JAK1: variants seen among roughly 807,000 people sequenced by gnomAD.
JAK1 encodes the protein Janus kinase 1.
A neutral mutation model predicts 136.6 loss-of-function variants in JAK1; 16 were observed. The observed-to-expected ratio is 0.12, with a 90% confidence interval of 0.08 to 0.18. The LOEUF (loss-of-function observed/expected upper bound fraction) is 0.18, where lower values mean the gene tolerates loss of function less well. Ranked by LOEUF, JAK1 falls within the 10% of genes least tolerant of loss-of-function variation. The probability of loss-of-function intolerance (pLI) is 1.00; values close to 1 mark genes in which losing one functional copy is unlikely to be tolerated. For synonymous variants in JAK1, 492 were observed against 519.5 expected, an observed-to-expected ratio of 0.95 and a Z score of 0.72; for missense variants, 859 against 1,450.1, an observed-to-expected ratio of 0.59 and a Z score of 6.62.
intron 1 of JAK1, among the ~76,000 whole-genome samples, chr1:65,067,158 GCCGCCGCCCCCGCGCT>G (rs1553186787): frequency 6.6e-6 from 1 of 150,608 alleles, no homozygotes; most frequent in Admixed American, 6.6e-5. Context: ...CCCGCCCCGC[GCCGCCGCCCCCGCGCT>G]CCGCCGCCTA....
intron 1 of JAK1, among the ~76,000 whole-genome samples, chr1:64,909,398 T>C (rs1645244193): frequency 6.6e-6 from 1 of 151,772 alleles, no homozygotes; most frequent in African/African-American, 2.4e-5. Flanking sequence ...TAGCTTGTGA[T>C]CAAAGGTTTT....
intron 2 of JAK1, among the ~76,000 whole-genome samples, chr1:65,033,256 C>T (rs1269450683): frequency 5.3e-5 from 8 of 152,262 alleles, no homozygotes; most frequent in South Asian, 2.1e-4. Context: ...TGGGGTCAAG[C>T]GATCATCCCA....
At chr1:64,932,773 G>A (rs917106184) in intron 1 of JAK1, among the ~76,000 whole-genome samples, 4 of 151,710 alleles carry the variant, frequency 2.6e-5, no homozygotes, top group African/African-American at 9.7e-5. Flanking sequence ...AATTGAGAGG[G>A]CACTAGACAG....
intron 2 of JAK1, among the ~76,000 whole-genome samples, chr1:65,018,782 G>A (rs496161): frequency 0.044 from 6,703 of 152,190 alleles, 358 homozygotes; most frequent in East Asian, 0.28. Context: ...AGGCCGAGGC[G>A]GGCAGATCAC....
At chr1:65,043,112 G>A (rs927938563) in intron 2 of JAK1, among the ~76,000 whole-genome samples, 2 of 152,210 alleles carry the variant, frequency 1.3e-5, no homozygotes, top group Non-Finnish European at 2.9e-5. Context: ...ACTCAAAACA[G>A]TGCATGAGAC....
rs568552786 is a variant in JAK1, at chr1:64,984,128, A to G, written c.-78+60352T>C. Reference sequence around the variant, plus strand: ...ACACTTAAAACATAATATTTATGTAATTAAACCAGGAGGTAAAAATAAATA... The same window carrying G: ...ACACTTAAAACATAATATTTATGTAGTTAAACCAGGAGGTAAAAATAAATA... On this transcript the variant is annotated intron_variant, in intron 2 of 25. Transcript: ENST00000671954. This position sits in a 1 kb window ranked among gnomAD's most constrained non-coding sequence, Gnocchi z 4.1. 4.3e-4 allele frequency among the ~76,000 whole-genome samples: 65 copies of G among 152,244 alleles called. No individual in the cohort carries two copies. Among genetic ancestry groups the G allele is most frequent in the Non-Finnish European group, 8.8e-4 (60 of 68,054 alleles).
rs182863605 is a variant in JAK1, at chr1:64,959,540, T to C, written c.-78+6793A>G. On this transcript the variant is annotated intron_variant, in intron 1 of 24. Coordinates refer to ENST00000342505, the MANE Select transcript of JAK1 (RefSeq NM_002227.4). ...CAGGTATACATGGTGCCTCTGCCAA[T>C]AGCCCACAACTTGCTAAGTAAACTG... is the stretch of plus-strand genomic sequence containing the variant. Among the ~76,000 whole-genome samples, 264 of 152,298 alleles carry C rather than the reference T, an allele frequency of 1.7e-3. 4 individuals carry two copies. The highest frequency in any genetic ancestry group is 4.3e-4 in the Non-Finnish European group (29 of 68,022).
intron 2 of JAK1, among the ~76,000 whole-genome samples, chr1:65,042,808 T>C (rs1647147142): frequency 6.6e-6 from 1 of 152,194 alleles, no homozygotes; most frequent in Admixed American, 6.5e-5. Context: ...CCCTATCTGC[T>C]AGGTGGTCAT....
chr1:64,890,869 G>A lies in JAK1; in HGVS notation c.-77-4528C>T, dbSNP rs975503637. On this transcript the variant is annotated intron_variant, in intron 1 of 24. Coordinates refer to ENST00000342505, the MANE Select transcript of JAK1 (RefSeq NM_002227.4). ...GACACAGCAAAGCAGTTAAGAGCAC[G>A]GGCTGGAGTCATTGCAACCTGGGTT... Among the ~76,000 whole-genome samples, 5 of 152,170 alleles carry A rather than the reference G, an allele frequency of 3.3e-5. No individual in the cohort carries two copies. In the East Asian group the frequency reaches 7.7e-4, roughly 23 times the overall value.
intron 2 of JAK1, among the ~76,000 whole-genome samples, chr1:64,987,066 A>G (rs1337193282): frequency 6.6e-6 from 1 of 152,236 alleles, no homozygotes. Flanking sequence ...AGTCAGGTGC[A>G]CAAGGTCTAG....
chr1:64,836,049 A>G (rs1654460855), intron 23 of JAK1, 49 bp downstream of exon 23: 1 of 971,304 alleles, frequency 1.0e-6, no homozygotes, highest in Non-Finnish European at 1.7e-6. Flanking sequence ...AGGGATGGAC[A>G]CATTTTAAAT....
At chr1:64,839,133 G>A (rs539271723) in intron 20 of JAK1, among the ~76,000 whole-genome samples, 22 of 117,538 alleles carry the variant, frequency 1.9e-4, no homozygotes, top group South Asian at 5.6e-4. Context: ...GCCACAGAGC[G>A]AGACTCCGTC....
chr1:64,839,690 T>C lies in JAK1; in HGVS notation c.2755A>G (p.Ile919Val), dbSNP rs1434592824. 1.9e-6 allele frequency: 3 copies of C among 1,614,104 alleles called. No individual in the cohort carries two copies. Among genetic ancestry groups the C allele is most frequent in the Non-Finnish European group, 2.5e-6 (3 of 1,180,016 alleles). The change falls in exon 20 of 25, where the codon ATA becomes GTA. Residue 919 changes from isoleucine to valine, a missense_variant. Transcript: ENST00000342505. Reference sequence around the variant, plus strand: ...TCGATTTCCTTTTTCAGATCAGCTATGTGGTTACCTCCACTCTCAGGCTTC... The same window carrying C: ...TCGATTTCCTTTTTCAGATCAGCTACGTGGTTACCTCCACTCTCAGGCTTC... The part of the protein sequence containing the change: ...SLKPESGGNH[I>V]ADLKKEIEIL...
At chr1:65,050,286 A>G (rs1557774901) in intron 1 of JAK1, among the ~76,000 whole-genome samples, 2 of 152,252 alleles carry the variant, frequency 1.3e-5, no homozygotes, top group African/African-American at 4.8e-5. Flanking sequence ...ATGCACCCGC[A>G]ACACACGTGA....
At chr1:64,860,415 CATGCATTTATTTATTTATTTATTT>C (rs1436994499) in intron 8 of JAK1, among the ~76,000 whole-genome samples, 153 bp from the exon 9 acceptor site, 68 of 128,452 alleles carry the variant, frequency 5.3e-4, no homozygotes, top group East Asian at 3.3e-3. Flanking sequence ...ATACCCCTTG[CATGCATTTATTTATTTATTTATTT>C]ATTTATTTAT....
At chr1:64,974,307 G>A (rs1392118577) in intron 2 of JAK1, 1 of 152,186 alleles carries the variant, frequency 6.6e-6, no homozygotes, top group Non-Finnish European at 1.5e-5. Flanking sequence ...CTGCCCCACA[G>A]ATGAGTAGTT....
chr1:64,970,023 C>T (rs1444382633), upstream of JAK1, among the ~76,000 whole-genome samples: 3 of 148,462 alleles, frequency 2.0e-5, no homozygotes, highest in South Asian at 2.1e-4. Flanking sequence ...GTGGTCCCAG[C>T]TACTCAGGAG....
chr1:64,883,785 ATT>A (rs943710588), intron 2 of JAK1, among the ~76,000 whole-genome samples: 1 of 152,090 alleles, frequency 6.6e-6, no homozygotes, highest in Non-Finnish European at 1.5e-5. Flanking sequence ...TATTTTCTCC[ATT>A]TGCACCCAAG....
At position 65,010,289 on chromosome 1, in the gene JAK1, C is replaced by T. The variant is rs182641780; in HGVS notation, c.-78+34191G>A. 3.7e-4 allele frequency among the ~76,000 whole-genome samples: 56 copies of T among 152,234 alleles called. 1 individual carries two copies. The highest frequency in any genetic ancestry group is 1.1e-3 in the Admixed American group (17 of 15,292). On this transcript the variant is annotated intron_variant, in intron 2 of 25. Coordinates refer to the JAK1 transcript ENST00000671954. ...GGCTTCCTGTTCTCTCTTATGCTTG[C>T]GCTCTCTCTCGCACGCTCATTCTCT...
Sources: allele counts gnomAD v4.1 joint callset (sites outside exome capture counted in the v4.1 genomes callset), GRCh38; gene constraint gnomAD v4.1.1; non-coding constraint Gnocchi (gnomAD v3.1); transcripts MANE v1.5; gene names NCBI Gene and HGNC (gene_info 2026-07-23, HGNC 2026-07-21).